Variants in ABLIM2 observed in about 807,000 individuals in gnomAD.
The protein encoded by ABLIM2 is actin-binding LIM protein 2.
A neutral mutation model predicts 97.7 loss-of-function variants in ABLIM2; 53 were observed. The ratio of observed to expected loss-of-function variants is 0.54; its 90% CI spans 0.44 to 0.68. ABLIM2 has a LOEUF of 0.68. Ranked by LOEUF, ABLIM2 falls within the 30% of genes least tolerant of loss-of-function variation. The pLI is 0.00. For missense variants in ABLIM2, 835 were observed against 867.2 expected, an observed-to-expected ratio of 0.96 and a Z score of 0.47; for synonymous variants, 361 against 345.8, an observed-to-expected ratio of 1.04 and a Z score of -0.49.
chr4:8,106,351 C>G lies in ABLIM2; in HGVS notation c.154+143G>C, dbSNP rs944365279. 4.2e-6 allele frequency: 5 copies of G among 1,192,834 alleles called. No individual in the cohort carries two copies. The African/African-American group carries it at 6.2e-5, about 15-fold the overall frequency. The allele number at this position is 1,192,834 out of a possible 1,614,324, so 73.9% of individuals were successfully genotyped here. ...ACAAGGCTATGTTGAAAAGATCCCA[C>G]TCTCCTCTGAAGATTCTGTATCTGG... On this transcript the variant is annotated intron_variant, in intron 2 of 20. Transcript: ENST00000447017.
At chr4:8,037,954 C>T (rs1266337058) in intron 9 of ABLIM2, among the ~76,000 whole-genome samples, 2 of 152,236 alleles carry the variant, frequency 1.3e-5, no homozygotes, top group Admixed American at 6.5e-5. Flanking sequence ...CCCCACTGTG[C>T]ACTGTGCACG....
At chr4:7,971,987 C>G (rs1728441778) in intron 20 of ABLIM2, among the ~76,000 whole-genome samples, 1 of 152,176 alleles carries the variant, frequency 6.6e-6, no homozygotes, top group Non-Finnish European at 1.5e-5. Context: ...CTCACACTGC[C>G]TTGGCCTGCA....
chr4:7,990,199 T>C (rs552195513), intron 17 of ABLIM2, among the ~76,000 whole-genome samples: 17 of 152,210 alleles, frequency 1.1e-4, no homozygotes, highest in Middle Eastern at 6.8e-3. Context: ...GCTTTTCTTA[T>C]GTAATATATA....
intron 17 of ABLIM2, among the ~76,000 whole-genome samples, chr4:7,990,760 C>T (rs369979647): frequency 1.4e-4 from 21 of 152,202 alleles, no homozygotes; most frequent in Non-Finnish European, 2.9e-4. Context: ...TGAGCAGGGC[C>T]GCCCTGAAAA....
At chr4:7,982,257 A>G (rs1739231917) in intron 20 of ABLIM2, among the ~76,000 whole-genome samples, 1 of 152,362 alleles carries the variant, frequency 6.6e-6, no homozygotes, top group Non-Finnish European at 1.5e-5. Context: ...ATAGCCTGGC[A>G]GCTGGCCCTG....
chr4:8,050,729 C>T (rs868716834), intron 8 of ABLIM2, among the ~76,000 whole-genome samples: 2 of 143,648 alleles, frequency 1.4e-5, no homozygotes, highest in Non-Finnish European at 3.0e-5. Flanking sequence ...GGCCAGGAAG[C>T]GCCAGGCCCT....
chr4:8,037,230 T>C (rs1244019980), intron 9 of ABLIM2, among the ~76,000 whole-genome samples: 3 of 152,068 alleles, frequency 2.0e-5, no homozygotes, highest in Non-Finnish European at 4.4e-5. Flanking sequence ...AGATGTGGAA[T>C]GCATGGATAC....
chr4:8,100,691 A>G (rs964263364), intron 2 of ABLIM2, among the ~76,000 whole-genome samples: 8 of 145,492 alleles, frequency 5.5e-5, no homozygotes, highest in African/African-American at 2.0e-4. Flanking sequence ...GATTGCGGTG[A>G]GCCAAGATCG....
chr4:8,116,626 A>G (rs1352085056), intron 1 of ABLIM2, among the ~76,000 whole-genome samples: 2 of 152,254 alleles, frequency 1.3e-5, no homozygotes, highest in Non-Finnish European at 2.9e-5. Flanking sequence ...GGGATTTTTA[A>G]AAAATGAAGG....
At chr4:8,062,922 C>T (rs1261174367) in intron 6 of ABLIM2, among the ~76,000 whole-genome samples, 1 of 152,250 alleles carries the variant, frequency 6.6e-6, no homozygotes, top group South Asian at 2.1e-4. Flanking sequence ...GGTGCCCCCA[C>T]TTCACACTGA....
intron 6 of ABLIM2, among the ~76,000 whole-genome samples, chr4:8,063,252 G>C (rs1169793589): frequency 6.6e-6 from 1 of 152,230 alleles, no homozygotes. Context: ...TTTTAGTAGA[G>C]ATGGGGTTTC....
intron 8 of ABLIM2, among the ~76,000 whole-genome samples, chr4:8,051,319 C>T (rs554467755): frequency 3.3e-5 from 5 of 152,030 alleles, no homozygotes; most frequent in South Asian, 2.1e-4. Context: ...GAGGCCGAGG[C>T]GGGCGGATCC....
intron 10 of ABLIM2, among the ~76,000 whole-genome samples, chr4:8,031,956 AC>A (rs1301625954): frequency 6.6e-6 from 1 of 151,830 alleles, no homozygotes; most frequent in Non-Finnish European, 1.5e-5. Context: ...CGAACTCCTG[AC>A]CTCTGGTGAT....
In ABLIM2 at chr4:8,046,721, C is replaced by T. The variant is rs185969175; in HGVS notation, c.823-1480G>A. Reference sequence around the variant, plus strand: ...TGTGTCCACATTCGTAGGTTGAATCCTAACCCCCAGGACCTCAGAATGTGG... The same window carrying T: ...TGTGTCCACATTCGTAGGTTGAATCTTAACCCCCAGGACCTCAGAATGTGG... On this transcript the variant is annotated intron_variant, in intron 8 of 20. Transcript: ENST00000447017. This position sits in a 1 kb window ranked among gnomAD's most constrained non-coding sequence, Gnocchi z 4.4. Among the ~76,000 whole-genome samples, 318 of 152,322 alleles carry T rather than the reference C, an allele frequency of 2.1e-3. 1 individual carries two copies. Among genetic ancestry groups the T allele is most frequent in the South Asian group, 8.5e-3 (41 of 4,824 alleles).
In ABLIM2 at chr4:7,983,274, G is replaced by A. The variant is rs371140553; in HGVS notation, c.1814C>T (p.Thr605Met). The change falls in exon 20 of 21, where the codon ACG becomes ATG. Residue 605 changes from threonine to methionine, a missense_variant. Thr to Met is a moderately conservative substitution (Grantham distance 81). Coordinates refer to ENST00000447017, the MANE Select transcript of ABLIM2 (RefSeq NM_001130083.2). ...RVKLPKDVDRTRLERHLSPEE... is the reference protein window; with the variant it reads ...RVKLPKDVDRMRLERHLSPEE... ...CAGTCCCCCGCTTACCTCCAGTCTCGTCCGGTCCACGTCTTTGGGCAGTTT... is the reference window on the plus strand; with the variant it reads ...CAGTCCCCCGCTTACCTCCAGTCTCATCCGGTCCACGTCTTTGGGCAGTTT... 1.5e-5 allele frequency: 24 copies of A among 1,610,864 alleles called. No individual in the cohort carries two copies. The highest frequency in any genetic ancestry group is 8.4e-5 in the Admixed American group (5 of 59,628).
chr4:7,984,784 T>C (rs993620640), intron 18 of ABLIM2, 55 bp downstream of exon 18: 5 of 1,510,714 alleles, frequency 3.3e-6, no homozygotes, highest in African/African-American at 1.4e-5. Flanking sequence ...TCTTGTGGAA[T>C]GTGTTAGCGA....
chr4:8,110,359 G>A (rs1266980991), intron 1 of ABLIM2, among the ~76,000 whole-genome samples: 1 of 152,184 alleles, frequency 6.6e-6, no homozygotes, highest in Non-Finnish European at 1.5e-5. Context: ...CGCGGGTGGT[G>A]GGGTCAGCTG....
intron 12 of ABLIM2, among the ~76,000 whole-genome samples, chr4:8,026,890 TGTGTCTGC>T: frequency 6.6e-6 from 1 of 151,018 alleles, no homozygotes; most frequent in Admixed American, 6.6e-5. Flanking sequence ...CCTGAGTGTG[TGTGTCTGC>T]AGTGGCCTTT....
rs959142370 is a variant in ABLIM2, at chr4:7,996,242, T to C, written c.1619-3315A>G. Among the ~76,000 whole-genome samples, 5 of 152,152 alleles carry C rather than the reference T, an allele frequency of 3.3e-5. No individual in the cohort carries two copies. The highest frequency in any genetic ancestry group is 1.2e-4 in the African/African-American group (5 of 41,438). On this transcript the variant is annotated intron_variant, in intron 16 of 20. Transcript: ENST00000447017. This position sits in a 1 kb window ranked among gnomAD's most constrained non-coding sequence, Gnocchi z 4.5. ...CTGTGTCAGAATTCTGGGGCTGGGG[T>C]CCAGGGATCTGTGTTTTTACAAGGC...
Sources: allele counts gnomAD v4.1 joint callset (sites outside exome capture counted in the v4.1 genomes callset), GRCh38; gene constraint gnomAD v4.1.1; non-coding constraint Gnocchi (gnomAD v3.1); transcripts MANE v1.5; gene names NCBI Gene and HGNC (gene_info 2026-07-23, HGNC 2026-07-21).